Variants in FOCAD observed in about 807,000 individuals in gnomAD.
The protein encoded by FOCAD is KIAA1797.
FOCAD carries 198 observed loss-of-function variants against 225.6 expected under a neutral mutation model. That is an observed-to-expected ratio of 0.88 (90% confidence interval 0.78 to 0.99). The LOEUF (loss-of-function observed/expected upper bound fraction) is 0.99, where lower values mean the gene tolerates loss of function less well. FOCAD is among the 50% of genes least tolerant of loss of function. FOCAD has a pLI of 0.00. For missense variants in FOCAD, 2,713 were observed against 2,123.6 expected (o/e 1.28, Z -5.46); for synonymous variants, 897 against 755.0 (o/e 1.19, Z -3.08).
chr9:20,843,057 T>C (rs1366930482), intron 15 of FOCAD, among the ~76,000 whole-genome samples: 2 of 152,130 alleles, frequency 1.3e-5, no homozygotes, highest in East Asian at 3.9e-4. Flanking sequence ...TTATATCTTA[T>C]ATACTATGTG....
At chr9:20,770,574 G>C (rs916503274) in intron 8 of FOCAD, among the ~76,000 whole-genome samples, 6 of 152,198 alleles carry the variant, frequency 3.9e-5, no homozygotes, top group African/African-American at 1.4e-4. Context: ...ACACCTTTGT[G>C]ATCCAGTCAT....
intron 11 of FOCAD, among the ~76,000 whole-genome samples, chr9:20,795,918 C>T (rs58564506): frequency 0.034 from 5,107 of 151,276 alleles, 229 homozygotes; most frequent in East Asian, 0.22. Context: ...TCCCCAATAA[C>T]GCGTCATTTA....
intron 15 of FOCAD, among the ~76,000 whole-genome samples, chr9:20,841,892 A>T (rs1039924109): frequency 2.0e-5 from 3 of 151,802 alleles, no homozygotes; most frequent in Admixed American, 1.3e-4. Flanking sequence ...GCTTACTACT[A>T]TTGACTTCTA....
chr9:20,734,835 G>C (rs1263771311), intron 4 of FOCAD, among the ~76,000 whole-genome samples: 7 of 151,948 alleles, frequency 4.6e-5, no homozygotes, highest in Non-Finnish European at 8.8e-5. Flanking sequence ...TGTAGAGATG[G>C]GGTTTTGCCC....
At chr9:20,816,397 G>C (rs532183990) in intron 11 of FOCAD, among the ~76,000 whole-genome samples, 15 of 148,868 alleles carry the variant, frequency 1.0e-4, no homozygotes, top group African/African-American at 3.6e-4. Context: ...TGAAAAGTCA[G>C]TTCAAAAATT....
At chr9:20,993,942 C>G (rs762514016) in intron 43 of FOCAD, among the ~76,000 whole-genome samples, 2 of 152,028 alleles carry the variant, frequency 1.3e-5, no homozygotes, top group African/African-American at 2.4e-5. Flanking sequence ...AAGAGAAATC[C>G]AGAGTCCCAT....
At chr9:20,811,797 A>G (rs1043554725) in intron 11 of FOCAD, among the ~76,000 whole-genome samples, 4 of 146,540 alleles carry the variant, frequency 2.7e-5, no homozygotes, top group Non-Finnish European at 6.0e-5. Flanking sequence ...GAATTAAGTA[A>G]TGTTCAAAAG....
intron 5 of FOCAD, among the ~76,000 whole-genome samples, chr9:20,754,164 C>A (rs1828830783): frequency 6.6e-6 from 1 of 152,032 alleles, no homozygotes; most frequent in Admixed American, 6.6e-5. Flanking sequence ...GGCTAACAAG[C>A]AGTGGGTGAG....
intron 28 of FOCAD, among the ~76,000 whole-genome samples, chr9:20,934,877 CA>C (rs745910548): frequency 2.0e-5 from 3 of 148,894 alleles, no homozygotes; most frequent in Non-Finnish European, 3.0e-5. Flanking sequence ...ACAATAGCTG[CA>C]AAAAAAAATA....
In FOCAD at chr9:20,981,412, T is replaced by A; in HGVS notation, c.4378-14T>A. 1 of 1,612,762 alleles carries A rather than the reference T, an allele frequency of 6.2e-7. No individual in the cohort carries two copies. Among genetic ancestry groups the A allele is most frequent in the Non-Finnish European group, 8.5e-7 (1 of 1,179,002 alleles). ...TTGCCTATTTACATTCAACCCCTTC[T>A]GTTTTACTTCCAGCTGAATACCAAG... On this transcript the variant is annotated splice_polypyrimidine_tract_variant and intron_variant, in intron 37 of 43. Transcript: ENST00000338382.
rs189225912 is a variant in FOCAD at position 20,963,607 on chromosome 9, C to A, written c.4132+10542C>A. Among the ~76,000 whole-genome samples, 25 of 152,280 alleles carry A rather than the reference C, an allele frequency of 1.6e-4. No individual in the cohort carries two copies. The East Asian group carries it at 2.3e-3, about 14-fold the overall frequency. ...CCAGTGCAGAATTGGATGCATTGTT[C>A]TTAAATGGAGAGATGTAATTCTTGC... is the stretch of plus-strand genomic sequence containing the variant. On this transcript the variant is annotated intron_variant, in intron 35 of 43. Transcript: ENST00000338382.
chr9:20,859,173 G>T (rs920321182), intron 15 of FOCAD, among the ~76,000 whole-genome samples: 3 of 152,122 alleles, frequency 2.0e-5, no homozygotes, highest in African/African-American at 7.2e-5. Context: ...TCAGGAGTTT[G>T]AGATGAGTCT....
At chr9:20,683,867 C>T (rs1440634625), upstream of FOCAD, 1 of 152,250 alleles carries the variant, frequency 6.6e-6, no homozygotes, top group Admixed American at 6.5e-5. Flanking sequence ...AACAAAATCT[C>T]CAAATACCAA....
intron 11 of FOCAD, among the ~76,000 whole-genome samples, chr9:20,793,283 T>TA (rs1820727152): frequency 1.3e-5 from 2 of 152,222 alleles, no homozygotes; most frequent in Admixed American, 6.5e-5. Flanking sequence ...AAGTTGCATG[T>TA]ACCCTCTCCC....
At chr9:20,762,474 T>A (rs6475472) in intron 6 of FOCAD, among the ~76,000 whole-genome samples, 4 of 152,080 alleles carry the variant, frequency 2.6e-5, no homozygotes, top group South Asian at 2.1e-4. Flanking sequence ...GTTTCCATCA[T>A]GTAGATGAGT....
intron 10 of FOCAD, 89 bp downstream of exon 10, chr9:20,782,018 T>G: frequency 8.9e-7 from 1 of 1,127,656 alleles, no homozygotes; most frequent in Non-Finnish European, 1.3e-6. Context: ...ATGAAGCATC[T>G]GTTTGTTATC....
At chr9:20,798,155 A>T (rs1192266694) in intron 11 of FOCAD, among the ~76,000 whole-genome samples, 2 of 152,016 alleles carry the variant, frequency 1.3e-5, no homozygotes, top group African/African-American at 4.8e-5. Flanking sequence ...ACATTTATTG[A>T]TTTGCGTATG....
chr9:20,975,884 T>C (rs1840184476), intron 35 of FOCAD, among the ~76,000 whole-genome samples: 2 of 152,084 alleles, frequency 1.3e-5, no homozygotes, highest in African/African-American at 2.4e-5. Flanking sequence ...GAGTATAGAA[T>C]AGTGGTTACT....
At chr9:20,848,057 G>T (rs1827289753) in intron 15 of FOCAD, among the ~76,000 whole-genome samples, 1 of 151,990 alleles carries the variant, frequency 6.6e-6, no homozygotes, top group African/African-American at 2.4e-5. Context: ...GCTCTCTGAA[G>T]GTTTGCCGAA....
Sources: gnomAD v4.1 joint callset for allele counts (sites outside exome capture counted in the v4.1 genomes callset) on GRCh38, gnomAD v4.1.1 for gene constraint, MANE v1.5 for transcripts, NCBI Gene and HGNC (gene_info 2026-07-23, HGNC 2026-07-21) for gene names.